Variants in TRIM2 observed in about 807,000 individuals in gnomAD.
The protein encoded by TRIM2 is tripartite motif containing 2.
TRIM2 carries 20 observed loss-of-function variants against 75.2 expected under a neutral mutation model. That is an observed-to-expected ratio of 0.27 (90% CI 0.19 to 0.39). TRIM2 has a LOEUF of 0.39. Ranked by LOEUF, TRIM2 falls within the 10% of genes least tolerant of loss-of-function variation. The pLI is 1.00. For synonymous variants in TRIM2, 373 were observed against 388.3 expected (o/e 0.96, Z 0.46); for missense variants, 660 against 990.8 (o/e 0.67, Z 4.48).
At chr4:153,334,678 C>A in intron 11 of TRIM2, 136 bp from the exon 12 acceptor site, 1 of 788,730 alleles carries the variant, frequency 1.3e-6, no homozygotes, top group Non-Finnish European at 1.9e-6. Context: ...GGCACACCAG[C>A]CTGGGTGTCA....
intron 1 of TRIM2, among the ~76,000 whole-genome samples, chr4:153,213,991 A>G (rs1737784899): frequency 8.0e-6 from 1 of 124,640 alleles, no homozygotes; most frequent in African/African-American, 2.9e-5. Flanking sequence ...CATAGTGAGG[A>G]AAAAAGAAAA....
chr4:153,287,553 C>G lies in TRIM2; in HGVS notation c.454-5429C>G, dbSNP rs149327794. On this transcript the variant is annotated intron_variant, in intron 3 of 11. Coordinates refer to ENST00000338700, the MANE Select transcript of TRIM2 (RefSeq NM_015271.5). ...TGTTTAATAGATATTTTCTAGTGAA[C>G]CATTTTGATTCCCTTCTCATTTCTT... Among the ~76,000 whole-genome samples the G allele has an allele frequency of 9.7e-3, 1,481 of 152,112 alleles. 25 individuals carry two copies. Among genetic ancestry groups the G allele is most frequent in the African/African-American group, 0.033 (1,386 of 41,494 alleles).
intron 1 of TRIM2, among the ~76,000 whole-genome samples, chr4:153,255,950 A>G (rs1751982993): frequency 1.3e-5 from 2 of 152,162 alleles, no homozygotes; most frequent in Admixed American, 6.5e-5. Flanking sequence ...GTGATGTGGG[A>G]GGGAAGAGAG....
At chr4:153,218,142 C>T (rs112722897) in intron 1 of TRIM2, among the ~76,000 whole-genome samples, 31 of 152,264 alleles carry the variant, frequency 2.0e-4, no homozygotes, top group Admixed American at 2.6e-4. Context: ...AATTTATTCA[C>T]CTATTCAATT....
At position 153,283,861 on chromosome 4, in the gene TRIM2, CTTTTTTTTTTTTT is replaced by C. The variant is rs71598257; in HGVS notation, c.453+7746_453+7758del. ...TCATCTTGGCCAGGATGGCCTTGAT[CTTTTTTTTTTTTT>C]TTTTTTTTTTTTTTGAGACAGAGAC... On this transcript the variant is annotated intron_variant, in intron 3 of 11. Transcript: ENST00000338700. 8.5e-3 allele frequency among the ~76,000 whole-genome samples: 451 copies of C among 53,292 alleles called. 7 individuals are homozygous for C. Among genetic ancestry groups the C allele is most frequent in the African/African-American group, 0.031 (363 of 11,762 alleles). 35.0% of individuals were successfully genotyped at this position (53,292 alleles called of 152,430 possible).
At chr4:153,152,869 C>A (rs1387120664), upstream of TRIM2, among the ~76,000 whole-genome samples, 1 of 152,182 alleles carries the variant, frequency 6.6e-6, no homozygotes, top group African/African-American at 2.4e-5. Context: ...GAAAAGGATC[C>A]GATTTCTGCT....
chr4:153,261,305 C>A (rs1050787766), intron 1 of TRIM2, among the ~76,000 whole-genome samples: 2 of 152,104 alleles, frequency 1.3e-5, no homozygotes. Context: ...CACCTGTAAT[C>A]CTAGCTATGC....
chr4:153,297,537 A>G (rs909789351), intron 6 of TRIM2, among the ~76,000 whole-genome samples: 1 of 152,212 alleles, frequency 6.6e-6, no homozygotes, highest in Non-Finnish European at 1.5e-5. Flanking sequence ...TTGTACATGT[A>G]ATTGTTAAGG....
intron 1 of TRIM2, among the ~76,000 whole-genome samples, chr4:153,236,731 A>G (rs1293003956): frequency 6.7e-6 from 1 of 149,586 alleles, no homozygotes; most frequent in African/African-American, 2.5e-5. Context: ...CACTCTTGTC[A>G]CCTTGGCTGG....
At chr4:153,210,343 G>A (rs1231586395) in intron 1 of TRIM2, among the ~76,000 whole-genome samples, 2 of 152,134 alleles carry the variant, frequency 1.3e-5, no homozygotes, top group African/African-American at 4.8e-5. Context: ...GGGATTTCGG[G>A]TGTGATCCAC....
At chr4:153,329,502 AAAG>A (rs1370886014) in intron 11 of TRIM2, among the ~76,000 whole-genome samples, 3 of 151,682 alleles carry the variant, frequency 2.0e-5, no homozygotes, top group Admixed American at 6.6e-5. Flanking sequence ...AAGAAGCTAG[AAAG>A]AAAAGAGCAA....
In TRIM2 at chr4:153,339,068, GAT is replaced by G; in HGVS notation, c.*4107_*4108del. ...TCTTGCACTCTCTGACATTGATACT[GAT>G]ATATTCTCGTCATTTGTTCTTTTAT... is the stretch of plus-strand genomic sequence containing the variant. On this transcript the variant is annotated 3_prime_UTR_variant, in exon 12 of 12. Coordinates refer to ENST00000338700, the MANE Select transcript of TRIM2 (RefSeq NM_015271.5). 2.0e-6 allele frequency: 2 copies of G among 985,332 alleles called. No homozygotes were observed. Among genetic ancestry groups the G allele is most frequent in the Non-Finnish European group, 2.4e-6 (2 of 829,858 alleles). 61.0% of individuals were successfully genotyped at this position (985,332 alleles called of 1,614,324 possible).
chr4:153,235,288 ATT>A (rs111641294), intron 1 of TRIM2, among the ~76,000 whole-genome samples: 5 of 145,200 alleles, frequency 3.4e-5, no homozygotes, highest in African/African-American at 7.5e-5. Flanking sequence ...AGTTAAGATA[ATT>A]TTTTTTTTTT....
intron 1 of TRIM2, among the ~76,000 whole-genome samples, chr4:153,196,494 T>C (rs1733792644): frequency 6.6e-6 from 1 of 152,056 alleles, no homozygotes; most frequent in East Asian, 1.9e-4. Flanking sequence ...GTCTGCAGAA[T>C]GAGCGTGAGT....
chr4:153,319,063 ATTTTC>A (rs956230143), intron 8 of TRIM2, among the ~76,000 whole-genome samples: 2 of 152,132 alleles, frequency 1.3e-5, no homozygotes, highest in Non-Finnish European at 2.9e-5. Flanking sequence ...AGAGATACTT[ATTTTC>A]TTCTTTTTCT....
chr4:153,220,772 CAACAA>C (rs1293763220), intron 1 of TRIM2, among the ~76,000 whole-genome samples: 1 of 152,038 alleles, frequency 6.6e-6, no homozygotes, highest in Non-Finnish European at 1.5e-5. Flanking sequence ...CCCAAATGGT[CAACAA>C]GCACATGAAA....
chr4:153,283,665 A>T (rs201348221), intron 3 of TRIM2, among the ~76,000 whole-genome samples: 1 of 80,716 alleles, frequency 1.2e-5, no homozygotes, highest in African/African-American at 9.0e-5. Context: ...TTTGAGACAG[A>T]GTTGCTCTTT....
At chr4:153,313,932 C>T (rs1477900865) in intron 6 of TRIM2, among the ~76,000 whole-genome samples, 13 of 152,048 alleles carry the variant, frequency 8.5e-5, no homozygotes, top group Non-Finnish European at 1.3e-4. Flanking sequence ...CCACTGTTCC[C>T]GGCCCAAATT....
upstream of TRIM2, among the ~76,000 whole-genome samples, chr4:153,203,255 G>C (rs1237060219): frequency 6.6e-6 from 1 of 152,010 alleles, no homozygotes; most frequent in Non-Finnish European, 1.5e-5. Flanking sequence ...ATAGGTGCAA[G>C]CCTGTAATCC....
Sources: allele counts gnomAD v4.1 joint callset (sites outside exome capture counted in the v4.1 genomes callset), GRCh38; gene constraint gnomAD v4.1.1; transcripts MANE v1.5; gene names NCBI Gene and HGNC (gene_info 2026-07-23, HGNC 2026-07-21).